Variants in HPSE2 observed in about 807,000 individuals in gnomAD.
HPSE2 encodes the protein inactive heparanase-2.
Under a neutral mutation model 60.5 loss-of-function variants are expected in HPSE2, and 38 were observed. The ratio of observed to expected loss-of-function variants is 0.63; its 90% CI spans 0.48 to 0.82. The LOEUF is 0.82. Among genes scored for constraint, HPSE2 ranks in the 40% least tolerant of loss-of-function variants. The pLI, the probability that HPSE2 is intolerant of heterozygous loss-of-function variation, is 0.00. For synonymous variants in HPSE2, 295 were observed against 293.2 expected, an observed-to-expected ratio of 1.01 and a Z score of -0.06; for missense variants, 713 against 740.4, an observed-to-expected ratio of 0.96 and a Z score of 0.43.
intron 9 of HPSE2, among the ~76,000 whole-genome samples, chr10:98,588,676 C>T (rs915912856): frequency 6.6e-6 from 1 of 151,898 alleles, no homozygotes; most frequent in Admixed American, 6.6e-5. Context: ...CAGCAGGCAC[C>T]GAGACAAAGC....
chr10:99,146,386 G>A (rs921595703), intron 2 of HPSE2, among the ~76,000 whole-genome samples: 2 of 152,166 alleles, frequency 1.3e-5, no homozygotes, highest in Non-Finnish European at 2.9e-5. Flanking sequence ...ACATGGTTCT[G>A]GAAAATGAGC....
intron 3 of HPSE2, among the ~76,000 whole-genome samples, chr10:99,099,187 C>T (rs1196494157): frequency 1.3e-5 from 2 of 152,188 alleles, no homozygotes; most frequent in African/African-American, 2.4e-5. Flanking sequence ...GCTGAAGCAG[C>T]GCGAGGCATC....
chr10:98,763,860 C>G (rs1259380466), intron 3 of HPSE2, among the ~76,000 whole-genome samples: 1 of 149,672 alleles, frequency 6.7e-6, no homozygotes, highest in East Asian at 1.9e-4. Flanking sequence ...TTAGGCTAAA[C>G]AGAAATGATG....
chr10:98,977,795 A>G, intron 3 of HPSE2, among the ~76,000 whole-genome samples: 1 of 151,932 alleles, frequency 6.6e-6, no homozygotes, highest in South Asian at 2.1e-4. Flanking sequence ...TATAATAATA[A>G]TATATACTTT....
intron 9 of HPSE2, among the ~76,000 whole-genome samples, chr10:98,573,099 T>A (rs1372212598): frequency 1.3e-5 from 2 of 152,262 alleles, no homozygotes; most frequent in Non-Finnish European, 2.9e-5. Flanking sequence ...TACTTAACTT[T>A]ATTTTCCTCA....
At chr10:99,047,750 G>A in intron 3 of HPSE2, 1 of 858,206 alleles carries the variant, frequency 1.2e-6, no homozygotes, top group Admixed American at 1.7e-5. Flanking sequence ...AAAGAAGTTT[G>A]CCCAAAGGAT....
At chr10:98,871,922 C>T (rs1184234278) in intron 3 of HPSE2, among the ~76,000 whole-genome samples, 5 of 152,080 alleles carry the variant, frequency 3.3e-5, no homozygotes, top group Non-Finnish European at 5.9e-5. Context: ...ATTGAAAATA[C>T]AAAATACTAA....
intron 2 of HPSE2, among the ~76,000 whole-genome samples, chr10:99,158,600 T>TGGTGG (rs1393929302): frequency 4.8e-5 from 6 of 123,944 alleles, no homozygotes; most frequent in Non-Finnish European, 3.3e-5. Flanking sequence ...CTGGGGACTG[T>TGGTGG]GGTGGGGTGG....
intron 3 of HPSE2, among the ~76,000 whole-genome samples, chr10:98,794,696 C>T (rs1270594245): frequency 6.6e-6 from 1 of 152,044 alleles, no homozygotes; most frequent in Non-Finnish European, 1.5e-5. Flanking sequence ...ATTCAGGTGA[C>T]ACACGTTATA....
intron 3 of HPSE2, among the ~76,000 whole-genome samples, chr10:98,891,209 T>C (rs1953326405): frequency 6.6e-6 from 1 of 152,114 alleles, no homozygotes; most frequent in Non-Finnish European, 1.5e-5. Flanking sequence ...ATCCAAATAG[T>C]ACCAATATCC....
At chr10:99,124,857 G>GGGCTCCTGCCAGCTCCATGGAGTGT (rs1845103822) in intron 3 of HPSE2, among the ~76,000 whole-genome samples, 3 of 152,216 alleles carry the variant, frequency 2.0e-5, no homozygotes. Context: ...AAATGGAGTG[G>GGGCTCCTGCCAGCTCCATGGAGTGT]GGCTCCTGCC....
At chr10:98,571,191 T>C (rs1372075694) in intron 9 of HPSE2, among the ~76,000 whole-genome samples, 2 of 152,158 alleles carry the variant, frequency 1.3e-5, no homozygotes, top group East Asian at 1.9e-4. Context: ...TGCTGCCTGG[T>C]ACAATAATCC....
intron 2 of HPSE2, among the ~76,000 whole-genome samples, chr10:99,193,741 T>C (rs77756834): frequency 0.02 from 3,115 of 152,164 alleles, 47 homozygotes; most frequent in Middle Eastern, 0.041. Context: ...AATACAAAAA[T>C]TATAAATATA....
chr10:98,867,108 C>T (rs536657781), intron 3 of HPSE2, among the ~76,000 whole-genome samples: 19 of 152,008 alleles, frequency 1.2e-4, no homozygotes, highest in African/African-American at 3.4e-4. Context: ...GACACACAGA[C>T]GATGAAGTGA....
the HPSE2 span, among the ~76,000 whole-genome samples, chr10:99,306,016 A>ACACAC: frequency 1.1e-4 from 4 of 37,656 alleles, no homozygotes; most frequent in East Asian, 2.3e-3. Flanking sequence ...CACACACACC[A>ACACAC]GACTGCTGGG....
chr10:99,169,053 C>T (rs1361107167), intron 2 of HPSE2, among the ~76,000 whole-genome samples: 7 of 151,454 alleles, frequency 4.6e-5, no homozygotes, highest in East Asian at 1.9e-4. Context: ...ATTAGCCAGG[C>T]GTGGTGGTGG....
intron 2 of HPSE2, among the ~76,000 whole-genome samples, chr10:99,144,773 T>C (rs986445751): frequency 6.6e-6 from 1 of 152,182 alleles, no homozygotes; most frequent in Non-Finnish European, 1.5e-5. Context: ...TACTGGTAAT[T>C]ATGAAGGTCA....
intron 3 of HPSE2, among the ~76,000 whole-genome samples, chr10:98,995,233 A>C (rs547111296): frequency 1.3e-5 from 2 of 152,308 alleles, no homozygotes; most frequent in African/African-American, 4.8e-5. Flanking sequence ...TATTACCTGC[A>C]TCTAGTCAGC....
In HPSE2 at chr10:98,768,986, G is replaced by T. The variant is rs537765060; in HGVS notation, c.611-24930C>A. 2.0e-5 allele frequency among the ~76,000 whole-genome samples: 3 copies of T among 152,268 alleles called. No individual in the cohort carries two copies. The South Asian group carries it at 6.2e-4, about 32-fold the overall frequency. On this transcript the variant is annotated intron_variant, in intron 3 of 11. Coordinates refer to ENST00000370552, the MANE Select transcript of HPSE2 (RefSeq NM_021828.5). ...TGCTTGAACCTGGGAGGCAGAGGTT[G>T]CAGTGAAGGGAGATCGCGCCACTGC...
Sources: allele counts gnomAD v4.1 joint callset (sites outside exome capture counted in the v4.1 genomes callset), GRCh38; gene constraint gnomAD v4.1.1; transcripts MANE v1.5; gene names NCBI Gene and HGNC (gene_info 2026-07-23, HGNC 2026-07-21).